ZC3H14: variants seen among roughly 807,000 people sequenced by gnomAD.
ZC3H14 encodes zinc finger CCCH domain-containing protein 14.
In ZC3H14, 31 loss-of-function variants were observed where a neutral mutation model predicts 92.4. The ratio of observed to expected loss-of-function variants is 0.34; its 90% CI spans 0.25 to 0.45. ZC3H14 has a LOEUF of 0.45. Among genes scored for constraint, ZC3H14 ranks in the 20% least tolerant of loss-of-function variants. The pLI is 1.00. For missense variants in ZC3H14, 781 were observed against 897.3 expected (o/e 0.87, Z 1.66); for synonymous variants, 321 against 300.9 (o/e 1.07, Z -0.69).
Position 88,572,244 on chromosome 14 carries a change from C to T in ZC3H14, c.431+19C>T, listed in dbSNP as rs754750215. On this transcript the variant is annotated intron_variant, in intron 5 of 16. Coordinates refer to ENST00000251038, the MANE Select transcript of ZC3H14 (RefSeq NM_024824.5). ...ATGTCAGGTAAGAGTCTGGTGTAGA[C>T]CTGCTGGGGGCAGATGGCTCTGTGT... The T allele has an allele frequency of 6.2e-7, 1 of 1,612,580 alleles. No individual in the cohort carries two copies. Among genetic ancestry groups the T allele is most frequent in the African/African-American group, 1.3e-5 (1 of 74,754 alleles).
chr14:88,570,955 A>T, intron 3 of ZC3H14, 129 bp from the exon 4 acceptor site: 2 of 696,880 alleles, frequency 2.9e-6, no homozygotes, highest in Non-Finnish European at 2.1e-6. Context: ...ATCTCTATTT[A>T]AAAATAATAA....
rs2140315136 is a variant in ZC3H14 at position 88,621,567 on chromosome 14, T to C, written c.*9816T>C. 2.1e-6 allele frequency: 1 copy of C among 480,140 alleles called. No homozygotes were observed. Among genetic ancestry groups the C allele is most frequent in the East Asian group, 3.7e-5 (1 of 27,200 alleles). 29.7% of individuals were successfully genotyped at this position (480,140 alleles called of 1,614,324 possible). ...GCAGTACACCTGGATTCTTCAATAA[T>C]CAAAGTTTTTATTTGATAATCTTAG... On this transcript the variant is annotated 3_prime_UTR_variant, in exon 17 of 17. Coordinates refer to ENST00000251038, the MANE Select transcript of ZC3H14 (RefSeq NM_024824.5).
chr14:88,572,585 T>TA lies in ZC3H14; in HGVS notation c.440dup (p.Tyr147Ter). ...ESKTTNVRQT[Y>*]DDGAATRLMS... ...TGTTGTTCTTTTAAATAGACAGACT[T>TA]ACGATGATGGAGCTGCAACCCGACT... The change falls in exon 6 of 17, where the codon TAC (tyrosine) becomes TAAC (stop). Residue 147 changes from tyrosine (Y) to a stop codon, truncating the protein, a stop_gained and frameshift_variant. Coordinates refer to ENST00000251038, the MANE Select transcript of ZC3H14 (RefSeq NM_024824.5). LOFTEE classifies it high-confidence loss of function. 2 of 1,614,186 alleles carry TA rather than the reference T, an allele frequency of 1.2e-6. No individual in the cohort carries two copies. Among genetic ancestry groups the TA allele is most frequent in the Non-Finnish European group, 1.7e-6 (2 of 1,180,038 alleles).
chr14:88,594,641 A>G, intron 9 of ZC3H14: 1 of 1,606,702 alleles, frequency 6.2e-7, no homozygotes, highest in Non-Finnish European at 8.5e-7. Context: ...TTTCGATGAA[A>G]TAACTTAATG....
intron 9 of ZC3H14, among the ~76,000 whole-genome samples, chr14:88,585,824 T>G (rs983874972): frequency 3.9e-5 from 6 of 152,224 alleles, no homozygotes; most frequent in Non-Finnish European, 8.8e-5. Flanking sequence ...GCTTCAGTCT[T>G]TATCCTCCTC....
intron 9 of ZC3H14, among the ~76,000 whole-genome samples, chr14:88,584,116 C>T (rs377447789): frequency 1.3e-5 from 2 of 152,242 alleles, no homozygotes; most frequent in Admixed American, 6.5e-5. Context: ...TTAATATAGC[C>T]ATTTAATTAT....
chr14:88,608,673 T>C (rs1383067788), intron 13 of ZC3H14: 1 of 165,532 alleles, frequency 6.0e-6, no homozygotes, highest in Admixed American at 6.1e-5. Flanking sequence ...ACACGCAGTA[T>C]ACACAGATTT....
chr14:88,572,344 G>A lies in ZC3H14; in HGVS notation c.431+119G>A, dbSNP rs528393680. On this transcript the variant is annotated intron_variant, in intron 5 of 16. Transcript: ENST00000251038. ...AATTTTTAGAAACAATGAAGTGATCGTGAGTAGTTTTTTGAATAAAATAAT... is the reference window on the plus strand; with the variant it reads ...AATTTTTAGAAACAATGAAGTGATCATGAGTAGTTTTTTGAATAAAATAAT... The A allele has an allele frequency of 6.7e-5, 81 of 1,204,278 alleles. 1 individual carries two copies. In the African/African-American group the frequency reaches 9.8e-4, roughly 15 times the overall value. 74.6% of individuals were successfully genotyped at this position (1,204,278 alleles called of 1,614,324 possible).
rs1038188971 is a variant in ZC3H14, at chr14:88,616,421, G to T, written c.*4670G>T. 6.2e-6 allele frequency: 4 copies of T among 645,782 alleles called. No homozygotes were observed. In the Admixed American group the frequency reaches 1.1e-4, roughly 19 times the overall value. The allele number at this position is 645,782 out of a possible 1,614,324, so 40.0% of individuals were successfully genotyped here. A position where few individuals can be genotyped will look rare whatever the true frequency, so the allele number is the denominator to read the frequency against. On this transcript the variant is annotated 3_prime_UTR_variant, in exon 17 of 17. Transcript: ENST00000251038. ...GGATCTGCAAAACCAGGCTGTGTGGGCAGTCAGATGTCTCCAGGTACTCTG... is the reference window on the plus strand; with the variant it reads ...GGATCTGCAAAACCAGGCTGTGTGGTCAGTCAGATGTCTCCAGGTACTCTG...
chr14:88,626,885 G>A lies in ZC3H14; in HGVS notation c.*15134G>A. The A allele has an allele frequency of 6.2e-7, 1 of 1,613,960 alleles. No homozygotes were observed. Among genetic ancestry groups the A allele is most frequent in the Non-Finnish European group, 8.5e-7 (1 of 1,179,856 alleles). Reference sequence around the variant, plus strand: ...ATGGTCTGCATCCGGGCATCTTCCAGTGTGCTCAGTAGCCCTTTTTTGCTA... The same window carrying A: ...ATGGTCTGCATCCGGGCATCTTCCAATGTGCTCAGTAGCCCTTTTTTGCTA... On this transcript the variant is annotated 3_prime_UTR_variant, in exon 17 of 17. Transcript: ENST00000251038.
At chr14:88,571,043 T>G in intron 3 of ZC3H14, 41 bp from the exon 4 acceptor site, 5 of 1,480,702 alleles carry the variant, frequency 3.4e-6, no homozygotes, top group Non-Finnish European at 4.5e-6. Context: ...GAAATCTTTC[T>G]TAACAGAAGG....
intron 8 of ZC3H14, among the ~76,000 whole-genome samples, chr14:88,576,956 A>C (rs2081246440): frequency 6.6e-6 from 1 of 151,876 alleles, no homozygotes; most frequent in African/African-American, 2.4e-5. Context: ...ATGCCAGGCT[A>C]ATTTTTTTGT....
intron 2 of ZC3H14, among the ~76,000 whole-genome samples, chr14:88,567,021 T>C (rs1421511007): frequency 2.6e-5 from 4 of 152,044 alleles, no homozygotes; most frequent in Non-Finnish European, 5.9e-5. Flanking sequence ...AGTGAGGTTT[T>C]TGTTTTTTTG....
In ZC3H14 at chr14:88,616,194, GA is replaced by G; in HGVS notation, c.*4445del. 1 of 1,613,902 alleles carries G rather than the reference GA, an allele frequency of 6.2e-7. No homozygotes were observed. The highest frequency in any genetic ancestry group is 8.5e-7 in the Non-Finnish European group (1 of 1,179,812). On this transcript the variant is annotated 3_prime_UTR_variant, in exon 17 of 17. Coordinates refer to ENST00000251038, the MANE Select transcript of ZC3H14 (RefSeq NM_024824.5). The stretch of plus-strand genomic sequence containing the variant: ...ACATGTCGATCACCACTGGTAAATC[GA>G]ATATTTGTCACATGGGGCGAATGAC...
intron 10 of ZC3H14, among the ~76,000 whole-genome samples, chr14:88,599,392 AT>A: frequency 6.6e-6 from 1 of 152,214 alleles, no homozygotes; most frequent in Non-Finnish European, 1.5e-5. Flanking sequence ...CCTTATTGAC[AT>A]TTCTGTGGGC....
In ZC3H14 at chr14:88,614,063, CAG is replaced by C. The variant is rs1483524168; in HGVS notation, c.*2315_*2316del. 1 of 152,192 alleles carries C rather than the reference CAG, an allele frequency of 6.6e-6. No individual in the cohort carries two copies. Among genetic ancestry groups the C allele is most frequent in the African/African-American group, 2.4e-5 (1 of 41,450 alleles). The allele number at this position is 152,192 out of a possible 1,614,324, so 9.4% of individuals were successfully genotyped here. On this transcript the variant is annotated 3_prime_UTR_variant, in exon 17 of 17. Transcript: ENST00000251038. ...TATGTAGTTTACATGCTTAAGGTTA[CAG>C]AGTTTCTACCTGCACTGTAATGGAA...
At chr14:88,565,765 A>T (rs1416704691) in intron 2 of ZC3H14, among the ~76,000 whole-genome samples, 1 of 152,152 alleles carries the variant, frequency 6.6e-6, no homozygotes, top group Non-Finnish European at 1.5e-5. Flanking sequence ...CTCCTTTTTC[A>T]ACTGCATATC....
chr14:88,616,213 C>G lies in ZC3H14; in HGVS notation c.*4462C>G. The G allele has an allele frequency of 6.2e-7, 1 of 1,613,802 alleles. No individual in the cohort carries two copies. Among genetic ancestry groups the G allele is most frequent in the Middle Eastern group, 1.7e-4 (1 of 6,058 alleles). On this transcript the variant is annotated 3_prime_UTR_variant, in exon 17 of 17. Transcript: ENST00000251038. ...TAAATCGAATATTTGTCACATGGGGCGAATGACCCAAGAACCTTTTGTGTT... is the reference window on the plus strand; with the variant it reads ...TAAATCGAATATTTGTCACATGGGGGGAATGACCCAAGAACCTTTTGTGTT...
chr14:88,563,779 TTTGGACA>T, intron 2 of ZC3H14, 86 bp downstream of exon 2: 31 of 1,319,388 alleles, frequency 2.3e-5, no homozygotes, highest in Non-Finnish European at 3.4e-5. Context: ...CTCACCGTAC[TTTGGACA>T]TTGGGAGAGA....
Sources: gnomAD v4.1 joint callset for allele counts (sites outside exome capture counted in the v4.1 genomes callset) on GRCh38, gnomAD v4.1.1 for gene constraint, MANE v1.5 for transcripts, NCBI Gene and HGNC (gene_info 2026-07-23, HGNC 2026-07-21) for gene names.